Variants in SATB2 observed in about 807,000 individuals in gnomAD.
SATB2 encodes SATB homeobox 2.
A neutral mutation model predicts 73.4 loss-of-function variants in SATB2; 1 was observed. The observed-to-expected ratio is 0.01, with a 90% CI of 0.00 to 0.06. The LOEUF is 0.06. Ranked by LOEUF, SATB2 falls within the 10% of genes least tolerant of loss-of-function variation. The pLI is 1.00. For missense variants in SATB2, 459 were observed against 945.8 expected (o/e 0.49, Z 6.75); for synonymous variants, 397 against 367.0 (o/e 1.08, Z -0.93).
At chr2:199,417,582 A>G (rs1691031820) in intron 3 of SATB2, among the ~76,000 whole-genome samples, 1 of 152,234 alleles carries the variant, frequency 6.6e-6, no homozygotes, top group Admixed American at 6.5e-5. Context: ...AATATTTAGA[A>G]CTTTAAGAAG....
At chr2:199,309,025 G>A (rs566914759) in intron 9 of SATB2, 68 bp from the exon 10 acceptor site, 42 of 1,213,308 alleles carry the variant, frequency 3.5e-5, no homozygotes, top group East Asian at 2.6e-4. Context: ...CCTTGACTGC[G>A]GTCCAGTGCC....
At chr2:199,388,138 A>T (rs1184341804) in intron 3 of SATB2, among the ~76,000 whole-genome samples, 1 of 152,256 alleles carries the variant, frequency 6.6e-6, no homozygotes, top group East Asian at 1.9e-4. Flanking sequence ...AGGATAAAAT[A>T]AAATGTGATA....
At chr2:199,280,662 G>A (rs772882214) in intron 10 of SATB2, among the ~76,000 whole-genome samples, 15 of 152,084 alleles carry the variant, frequency 9.9e-5, no homozygotes, top group Non-Finnish European at 1.9e-4. Flanking sequence ...CCAGTCTCCC[G>A]TAGCACTCCC....
intron 5 of SATB2, among the ~76,000 whole-genome samples, chr2:199,372,602 A>G (rs2105855356): frequency 6.6e-6 from 1 of 152,300 alleles, no homozygotes; most frequent in South Asian, 2.1e-4. Context: ...GGGAGGCACC[A>G]TGAAGACACT....
At chr2:199,301,150 C>T (rs747317054) in intron 10 of SATB2, among the ~76,000 whole-genome samples, 6 of 152,092 alleles carry the variant, frequency 3.9e-5, no homozygotes, top group Admixed American at 6.6e-5. Context: ...TATGTGACTA[C>T]ATGATAAATG....
rs1162126060 is a variant in SATB2, at chr2:199,455,233, A to G, written c.169+636T>C. On this transcript the variant is annotated intron_variant, in intron 2 of 10. Coordinates refer to ENST00000417098, the MANE Select transcript of SATB2 (RefSeq NM_001172509.2). The surrounding 1 kb of genome is among the most constrained non-coding windows in gnomAD (Gnocchi z 4.1). Reference sequence around the variant, plus strand: ...GAGGGGAAACTACATCTAGTTGATAAGGCTACTTTGCTATTTTTATCTGTT... The same window carrying G: ...GAGGGGAAACTACATCTAGTTGATAGGGCTACTTTGCTATTTTTATCTGTT... Among the ~76,000 whole-genome samples the G allele has an allele frequency of 2.0e-5, 3 of 152,236 alleles. No individual in the cohort carries two copies. The highest frequency in any genetic ancestry group is 1.3e-4 in the Admixed American group (2 of 15,284).
At chr2:199,337,944 TAAA>T (rs1469163520) in intron 7 of SATB2, among the ~76,000 whole-genome samples, 3 of 152,202 alleles carry the variant, frequency 2.0e-5, no homozygotes, top group Non-Finnish European at 2.9e-5. Flanking sequence ...GAAAAATATA[TAAA>T]TAACAGAATT....
Position 199,348,980 on chromosome 2 carries a change from A to T in SATB2, c.894T>A (p.Leu298=), listed in dbSNP as rs199530574. 92 of 1,614,148 alleles carry T rather than the reference A, an allele frequency of 5.7e-5. 1 individual carries two copies. In the East Asian group the frequency reaches 1.2e-3, roughly 21 times the overall value. The change falls in exon 7 of 11, where the codon CTT becomes CTA. Residue 298 remains leucine, a synonymous_variant. Coordinates refer to ENST00000417098, the MANE Select transcript of SATB2 (RefSeq NM_001172509.2). Reference sequence around the variant, plus strand: ...CAAGTTGTGGACTAAGCTGGGGAGAAAGAAGACCAGGGCTCATGATGGGCT... The same window carrying T: ...CAAGTTGTGGACTAAGCTGGGGAGATAGAAGACCAGGGCTCATGATGGGCT... ...ALQPIMSPGL[L]SPQLSPQLVR... is the part of the protein sequence containing the mutation.
rs139076827 is a variant in SATB2, at chr2:199,321,544, GTATA to G, written c.1542+2255_1542+2258del. On this transcript the variant is annotated intron_variant, in intron 9 of 10. Transcript: ENST00000417098. ...CACATATACATATATACATATATGT[GTATA>G]TATATACACACATACACACACATGT... Among the ~76,000 whole-genome samples, 22 of 150,518 alleles carry G rather than the reference GTATA, an allele frequency of 1.5e-4. No individual in the cohort carries two copies. The South Asian group carries it at 4.4e-3, about 30-fold the overall frequency.
chr2:199,469,178 C>A (rs1692654251), upstream of SATB2, among the ~76,000 whole-genome samples: 3 of 152,186 alleles, frequency 2.0e-5, no homozygotes. Context: ...GAGCCCACTA[C>A]AGGCAAGGCA....
intron 10 of SATB2, among the ~76,000 whole-genome samples, chr2:199,306,511 T>C (rs1687437781): frequency 6.6e-6 from 1 of 152,188 alleles, no homozygotes; most frequent in African/African-American, 2.4e-5. Context: ...TAAGTGCATT[T>C]CTCTTAGTGA....
chr2:199,300,597 T>A (rs1277525058), intron 10 of SATB2, among the ~76,000 whole-genome samples: 6 of 152,112 alleles, frequency 3.9e-5, no homozygotes, highest in African/African-American at 9.7e-5. Flanking sequence ...CCATGAAGAC[T>A]TTTTGTACCG....
chr2:199,377,908 AC>A (rs2105862350), intron 5 of SATB2, among the ~76,000 whole-genome samples: 1 of 152,310 alleles, frequency 6.6e-6, no homozygotes, highest in East Asian at 1.9e-4. Context: ...AGGTCAGACA[AC>A]TACGTGAGCA....
At chr2:199,305,781 T>G (rs1265356995) in intron 10 of SATB2, among the ~76,000 whole-genome samples, 1 of 152,144 alleles carries the variant, frequency 6.6e-6, no homozygotes, top group Non-Finnish European at 1.5e-5. Context: ...TGCACAGAAA[T>G]CACTGCCTCA....
At chr2:199,422,751 G>T (rs940935296) in intron 3 of SATB2, among the ~76,000 whole-genome samples, 1 of 152,034 alleles carries the variant, frequency 6.6e-6, no homozygotes, top group African/African-American at 2.4e-5. Flanking sequence ...ACTTCACAGG[G>T]TTATTATGAG....
In SATB2 at chr2:199,464,025, T is replaced by A. The variant is rs1692539834; in HGVS notation, c.-141+811A>T. Among the ~76,000 whole-genome samples the A allele has an allele frequency of 1.3e-5, 2 of 152,104 alleles. No homozygotes were observed. The highest frequency in any genetic ancestry group is 4.8e-5 in the African/African-American group (2 of 41,428). On this transcript the variant is annotated intron_variant, in intron 1 of 11. Coordinates refer to the SATB2 transcript ENST00000260926. This position sits in a 1 kb window ranked among gnomAD's most constrained non-coding sequence, Gnocchi z 6.6. Reference sequence around the variant, plus strand: ...TGCGGGACCCACGGTCCCAGACACCTACTGGAGCCAGGGACGAGGGGGGCA... The same window carrying A: ...TGCGGGACCCACGGTCCCAGACACCAACTGGAGCCAGGGACGAGGGGGGCA...
At chr2:199,341,303 T>C (rs532281681) in intron 7 of SATB2, among the ~76,000 whole-genome samples, 106 of 152,140 alleles carry the variant, frequency 7.0e-4, no homozygotes, top group African/African-American at 2.4e-3. Context: ...AGAACGAATA[T>C]GGAAAAAAAA....
At position 199,338,655 on chromosome 2, in the gene SATB2, C is replaced by T. The variant is rs577721632; in HGVS notation, c.1174-9745G>A. Among the ~76,000 whole-genome samples the T allele has an allele frequency of 1.1e-4, 17 of 152,182 alleles. No individual in the cohort carries two copies. In the South Asian group the frequency reaches 1.9e-3, roughly 17 times the overall value. On this transcript the variant is annotated intron_variant, in intron 7 of 10. Transcript: ENST00000417098. The stretch of plus-strand genomic sequence containing the variant: ...AAGATAGGCTGGGAGTGATGGCTCA[C>T]GCCTGTAATCCCAGCACTTTGGGAA...
intron 7 of SATB2, among the ~76,000 whole-genome samples, chr2:199,342,532 C>A (rs529141185): frequency 2.4e-4 from 36 of 152,042 alleles, no homozygotes; most frequent in Non-Finnish European, 5.1e-4. Context: ...TCAGCCACAC[C>A]CTGTGTCTAG....
Sources: gnomAD v4.1 joint callset for allele counts (sites outside exome capture counted in the v4.1 genomes callset) on GRCh38, gnomAD v4.1.1 for gene constraint, Gnocchi (gnomAD v3.1) non-coding constraint, MANE v1.5 for transcripts, NCBI Gene and HGNC (gene_info 2026-07-23, HGNC 2026-07-21) for gene names.